The following KCNH7 variants were observed in gnomAD, a reference collection of about 807,000 sequenced individuals.
KCNH7 encodes the protein potassium voltage-gated channel subfamily H member 7.
In KCNH7, 49 loss-of-function variants were observed where a neutral mutation model predicts 120.8. The observed-to-expected ratio is 0.41, with a 90% CI of 0.32 to 0.51. The LOEUF (loss-of-function observed/expected upper bound fraction) is 0.51, where lower values mean the gene tolerates loss of function less well. Among genes scored for constraint, KCNH7 ranks in the 20% least tolerant of loss-of-function variants. The pLI is 0.38. For missense variants in KCNH7, 1,097 were observed against 1,446.6 expected (o/e 0.76, Z 3.92); for synonymous variants, 547 against 516.1 (o/e 1.06, Z -0.81).
intron 9 of KCNH7, among the ~76,000 whole-genome samples, chr2:162,405,600 T>TA (rs2105454161): frequency 6.6e-6 from 1 of 152,108 alleles, no homozygotes; most frequent in Admixed American, 6.6e-5. Context: ...TTAATATTCA[T>TA]AATTAAGTAG....
chr2:162,748,360 G>C (rs1008727300), intron 2 of KCNH7, among the ~76,000 whole-genome samples: 13 of 152,148 alleles, frequency 8.5e-5, no homozygotes, highest in African/African-American at 2.4e-4. Context: ...TAGAACAATA[G>C]TTCTTTCACT....
chr2:162,505,978 G>A (rs1479066299), intron 5 of KCNH7, among the ~76,000 whole-genome samples: 3 of 151,698 alleles, frequency 2.0e-5, no homozygotes, highest in Non-Finnish European at 2.9e-5. Flanking sequence ...AGTCACTATG[G>A]GGGAAAATCA....
chr2:162,397,000 T>C, intron 10 of KCNH7, 55 bp from the exon 11 acceptor site: 7 of 1,218,468 alleles, frequency 5.7e-6, no homozygotes, highest in Non-Finnish European at 8.3e-6. Flanking sequence ...CTCAATGTTC[T>C]CCTTCTAAAA....
intron 9 of KCNH7, among the ~76,000 whole-genome samples, chr2:162,407,423 C>T (rs1687261113): frequency 1.3e-5 from 2 of 152,022 alleles, no homozygotes; most frequent in Non-Finnish European, 2.9e-5. Context: ...GAAACTTAAA[C>T]TTTATCCTGA....
chr2:162,531,262 T>G (rs1292735771), intron 3 of KCNH7, among the ~76,000 whole-genome samples: 1 of 151,988 alleles, frequency 6.6e-6, no homozygotes, highest in Non-Finnish European at 1.5e-5. Flanking sequence ...TATCTTCCAT[T>G]TAGGAAACCA....
chr2:162,419,148 C>T (rs544691019), intron 9 of KCNH7, among the ~76,000 whole-genome samples: 2 of 151,612 alleles, frequency 1.3e-5, no homozygotes, highest in Non-Finnish European at 2.9e-5. Flanking sequence ...TCTTTCCTGC[C>T]TGTCTTTAAG....
chr2:162,651,636 C>T (rs1684568671), intron 2 of KCNH7, among the ~76,000 whole-genome samples: 1 of 152,084 alleles, frequency 6.6e-6, no homozygotes, highest in African/African-American at 2.4e-5. Flanking sequence ...CATGTCTTTG[C>T]TATTGTGAAG....
At chr2:162,441,999 CTTTTTTTTTTTT>C (rs779418084) in intron 7 of KCNH7, among the ~76,000 whole-genome samples, 43 of 41,574 alleles carry the variant, frequency 1.0e-3, no homozygotes, top group East Asian at 2.6e-3. Context: ...GTTAGGTCTT[CTTTTTTTTTTTT>C]TTTTTTTTTT....
chr2:162,464,231 T>A (rs1331265308), intron 6 of KCNH7, among the ~76,000 whole-genome samples: 1 of 152,036 alleles, frequency 6.6e-6, no homozygotes, highest in Non-Finnish European at 1.5e-5. Context: ...TTTTTGTGCA[T>A]CATTTCACAG....
At chr2:162,597,702 T>A (rs1694423401) in intron 2 of KCNH7, among the ~76,000 whole-genome samples, 1 of 152,052 alleles carries the variant, frequency 6.6e-6, no homozygotes, top group Admixed American at 6.6e-5. Flanking sequence ...TTTTAAATGT[T>A]CTCACTGCAA....
At chr2:162,503,200 A>T (rs1023846039) in intron 6 of KCNH7, among the ~76,000 whole-genome samples, 1 of 151,984 alleles carries the variant, frequency 6.6e-6, no homozygotes, top group Non-Finnish European at 1.5e-5. Flanking sequence ...AATATTTCCA[A>T]CTTTTCTTCT....
rs369384747 is a variant in KCNH7 at position 162,535,028 on chromosome 2, G to A, written c.463+1897C>T. 5.2e-4 allele frequency among the ~76,000 whole-genome samples: 79 copies of A among 151,698 alleles called. 3 individuals carry two copies. In the South Asian group the frequency reaches 5.6e-3, roughly 11 times the overall value. On this transcript the variant is annotated intron_variant, in intron 3 of 15. Transcript: ENST00000332142. ...CTCATTTCCACAGAGGCTAAAAAAG[G>A]CATTTTACAAATTTCAGCACCCATT...
intron 6 of KCNH7, among the ~76,000 whole-genome samples, chr2:162,471,789 A>T (rs1449744406): frequency 2.0e-5 from 3 of 152,220 alleles, no homozygotes; most frequent in Non-Finnish European, 4.4e-5. Context: ...AGTCAATCCT[A>T]AGCCAAAAGA....
intron 13 of KCNH7, among the ~76,000 whole-genome samples, chr2:162,384,033 C>T (rs1676057992): frequency 6.6e-6 from 1 of 151,718 alleles, no homozygotes; most frequent in African/African-American, 2.4e-5. Context: ...AATAGTTGTT[C>T]TTCCATGTAA....
At position 162,446,059 on chromosome 2, in the gene KCNH7, T is replaced by C; in HGVS notation, c.1513A>G (p.Ile505Val). 2 of 1,613,774 alleles carry C rather than the reference T, an allele frequency of 1.2e-6. No homozygotes were observed. Among genetic ancestry groups the C allele is most frequent in the Non-Finnish European group, 1.7e-6 (2 of 1,179,804 alleles). ...CCAAAAATCAGCAAGTCAAAAGGAA[T>C]TGCTGCAACCATGTCAATCAGGAAC... is the stretch of plus-strand genomic sequence containing the variant. ...GWFLIDMVAA[I>V]PFDLLIFGSG... Residue 505 changes from isoleucine (I) to valine (V), a missense_variant, in exon 7 of 16, where the codon ATT becomes GTT. This residue lies in a region of KCNH7 where 109 missense variants were observed against 196.8 expected (regional missense o/e 0.55). Coordinates refer to ENST00000332142, the MANE Select transcript of KCNH7 (RefSeq NM_033272.4).
At chr2:162,385,074 A>T in intron 12 of KCNH7, 135 bp from the exon 13 acceptor site, 1 of 589,648 alleles carries the variant, frequency 1.7e-6, no homozygotes, top group Non-Finnish European at 2.8e-6. Flanking sequence ...TGGGTACTCA[A>T]TTTTTTAAAT....
chr2:162,438,455 T>C (rs182503322), intron 7 of KCNH7, among the ~76,000 whole-genome samples: 1 of 152,248 alleles, frequency 6.6e-6, no homozygotes, highest in Non-Finnish European at 1.5e-5. Flanking sequence ...AAAGAAAGTT[T>C]AAGATATATG....
At chr2:162,382,042 A>G (rs554744767) in intron 13 of KCNH7, among the ~76,000 whole-genome samples, 3 of 152,198 alleles carry the variant, frequency 2.0e-5, no homozygotes, top group Admixed American at 2.0e-4. Flanking sequence ...AAGAACTGAT[A>G]AGACTGAAGT....
intron 14 of KCNH7, among the ~76,000 whole-genome samples, chr2:162,377,418 C>T (rs1277926542): frequency 3.9e-5 from 6 of 152,128 alleles, no homozygotes; most frequent in African/African-American, 1.4e-4. Context: ...TGGGAATATT[C>T]ATGCCATAGT....
Sources: allele counts gnomAD v4.1 joint callset (sites outside exome capture counted in the v4.1 genomes callset), GRCh38; gene constraint gnomAD v4.1.1; regional missense constraint gnomAD v4.1.1; transcripts MANE v1.5; gene names NCBI Gene and HGNC (gene_info 2026-07-23, HGNC 2026-07-21).